The following DYNC2H1 variants were observed in gnomAD, a reference collection of about 807,000 sequenced individuals.
DYNC2H1 encodes the protein cytoplasmic dynein 2 heavy chain 1.
DYNC2H1 carries 410 observed loss-of-function variants against 570.0 expected under a neutral mutation model. That is an observed-to-expected ratio of 0.72 (90% CI 0.66 to 0.78). The LOEUF (loss-of-function observed/expected upper bound fraction) is 0.78, where lower values mean the gene tolerates loss of function less well. DYNC2H1 is among the 30% of genes least tolerant of loss of function. The probability of loss-of-function intolerance (pLI) is 0.00; values close to 1 mark genes in which losing one functional copy is unlikely to be tolerated. For synonymous variants in DYNC2H1, 1,688 were observed against 1,677.6 expected (o/e 1.01, Z -0.15); for missense variants, 4,865 against 5,046.4 (o/e 0.96, Z 1.09).
rs1565456497 is a variant in DYNC2H1 at position 103,277,803 on chromosome 11, C to T, written c.10696-2545C>T. On this transcript the variant is annotated intron_variant, in intron 70 of 88. Transcript: ENST00000375735. The surrounding 1 kb of genome is among the most constrained non-coding windows in gnomAD (Gnocchi z 4.3). Reference sequence around the variant, plus strand: ...AAAATTTATGCCTTAAGTCTGTGCTCGGCACAAGTATGATGTTTAATTTTT... The same window carrying T: ...AAAATTTATGCCTTAAGTCTGTGCTTGGCACAAGTATGATGTTTAATTTTT... Among the ~76,000 whole-genome samples the T allele has an allele frequency of 6.6e-6, 1 of 152,266 alleles. No homozygotes were observed. Among genetic ancestry groups the T allele is most frequent in the Middle Eastern group, 3.4e-3 (1 of 294 alleles).
At chr11:103,184,380 C>T (rs557408793) in intron 40 of DYNC2H1, among the ~76,000 whole-genome samples, 9 of 152,018 alleles carry the variant, frequency 5.9e-5, no homozygotes, top group Admixed American at 1.3e-4. Context: ...CTCTCTGGCA[C>T]TTACCAGGGA....
At position 103,135,776 on chromosome 11, in the gene DYNC2H1, G is replaced by C; in HGVS notation, c.2402G>C (p.Arg801Thr). The C allele has an allele frequency of 6.2e-7, 1 of 1,612,704 alleles. No homozygotes were observed. The highest frequency in any genetic ancestry group is 1.7e-5 in the Admixed American group (1 of 59,864). Residue 801 changes from arginine to threonine, a missense_variant, in exon 17 of 89, where the codon AGA becomes ACA. This residue lies in a region of DYNC2H1 where 1,936 missense variants were observed against 1,962.1 expected (regional missense o/e 0.99). Transcript: ENST00000375735. ...PFEEIRAKYYREMKRFIGIPN... is the reference protein window; with the variant it reads ...PFEEIRAKYYTEMKRFIGIPN... ...GAAGAAATCCGGGCTAAATATTATA[G>C]AGAAATGAAGAGATTCATCGGCATT...
Position 103,117,832 on chromosome 11 carries a change from CA to C in DYNC2H1, c.969del (p.Asp325ThrfsTer44). 6.2e-7 allele frequency: 1 copy of C among 1,612,478 alleles called. No individual in the cohort carries two copies. Among genetic ancestry groups the C allele is most frequent in the Non-Finnish European group, 8.5e-7 (1 of 1,178,990 alleles). ...PWKNEKYFPE[T>X]LDKLGKRLEE... Reference sequence around the variant, plus strand: ...AAAAATGAAAAATATTTTCCAGAAACACTTGACAAACTTGGCAAACGCCTTG... The same window carrying C: ...AAAAATGAAAAATATTTTCCAGAAACCTTGACAAACTTGGCAAACGCCTTG... On this transcript the variant is annotated frameshift_variant, in exon 6 of 89. Transcript: ENST00000375735. LOFTEE classifies it high-confidence loss of function.
intron 65 of DYNC2H1, among the ~76,000 whole-genome samples, chr11:103,251,424 C>T (rs948481507): frequency 6.6e-6 from 1 of 151,910 alleles, no homozygotes; most frequent in African/African-American, 2.4e-5. Context: ...TTTTATTGTG[C>T]ATATTTAAGA....
chr11:103,118,436 C>T (rs1396809117), intron 6 of DYNC2H1, among the ~76,000 whole-genome samples: 5 of 151,638 alleles, frequency 3.3e-5, no homozygotes, highest in Admixed American at 1.3e-4. Flanking sequence ...TGAATGTCCA[C>T]GTATCCACCA....
chr11:103,357,238 A>G (rs1262094195), intron 82 of DYNC2H1, among the ~76,000 whole-genome samples: 2 of 152,164 alleles, frequency 1.3e-5, no homozygotes, highest in Admixed American at 6.5e-5. Flanking sequence ...TATTTTAGAA[A>G]AAAAAGTGAG....
intron 54 of DYNC2H1, among the ~76,000 whole-genome samples, chr11:103,212,666 A>G (rs1863203437): frequency 6.6e-6 from 1 of 152,092 alleles, no homozygotes; most frequent in African/African-American, 2.4e-5. Context: ...CAGCCTCTGA[A>G]GTTGTTAGAG....
chr11:103,128,155 T>A (rs927742870), intron 12 of DYNC2H1, among the ~76,000 whole-genome samples: 11 of 152,244 alleles, frequency 7.2e-5, no homozygotes, highest in Admixed American at 7.2e-4. Context: ...CATTCTTTAG[T>A]ATATTGGGAG....
chr11:103,169,398 G>T (rs981353141), intron 32 of DYNC2H1, among the ~76,000 whole-genome samples: 5 of 152,098 alleles, frequency 3.3e-5, no homozygotes, highest in African/African-American at 1.2e-4. Flanking sequence ...AAATAACCTA[G>T]TTAATGTAAA....
chr11:103,402,030 G>A (rs1444971111), intron 84 of DYNC2H1: 1 of 152,114 alleles, frequency 6.6e-6, no homozygotes, highest in Non-Finnish European at 1.5e-5. Flanking sequence ...CAGAGATAAT[G>A]AAGGAGGTTT....
At chr11:103,345,306 G>T (rs956029380) in intron 82 of DYNC2H1, among the ~76,000 whole-genome samples, 2 of 151,792 alleles carry the variant, frequency 1.3e-5, no homozygotes, top group African/African-American at 4.8e-5. Context: ...TATTGAAACA[G>T]TGCCACTAGG....
chr11:103,422,321 C>T (rs961138181), intron 84 of DYNC2H1, among the ~76,000 whole-genome samples: 19 of 152,086 alleles, frequency 1.2e-4, no homozygotes, highest in African/African-American at 4.3e-4. Flanking sequence ...AAAGGAAAGA[C>T]TCTTCCCTAA....
chr11:103,328,880 A>G (rs1938629018), intron 82 of DYNC2H1, among the ~76,000 whole-genome samples: 1 of 152,194 alleles, frequency 6.6e-6, no homozygotes, highest in South Asian at 2.1e-4. Context: ...TGTGAAAGTC[A>G]AAAGCAAGAG....
chr11:103,222,464 A>G (rs1164368442), intron 58 of DYNC2H1, among the ~76,000 whole-genome samples: 1 of 152,162 alleles, frequency 6.6e-6, no homozygotes, highest in Non-Finnish European at 1.5e-5. Flanking sequence ...CTTGTCAGAT[A>G]ACAACAGGTA....
In DYNC2H1 at chr11:103,209,789, C is replaced by T; in HGVS notation, c.8455-87C>T. ...ATGAATCCTAGAAGAAAAGTACAAT[C>T]AATACTGACTTTTTTTGTATTAAAG... On this transcript the variant is annotated intron_variant, in intron 52 of 88. Transcript: ENST00000375735. The surrounding 1 kb of genome is among the most constrained non-coding windows in gnomAD (Gnocchi z 4.2). 2.9e-6 allele frequency: 3 copies of T among 1,017,444 alleles called. No homozygotes were observed. Among genetic ancestry groups the T allele is most frequent in the Non-Finnish European group, 3.9e-6 (3 of 766,688 alleles). The allele number at this position is 1,017,444 out of a possible 1,614,324, so 63.0% of individuals were successfully genotyped here.
In DYNC2H1 at chr11:103,442,969, C is replaced by CTTTT. The variant is rs5794237; in HGVS notation, c.12456+6947_12456+6950dup. Among the ~76,000 whole-genome samples the CTTTT allele has an allele frequency of 5.4e-3, 771 of 143,096 alleles. 7 individuals carry two copies. The highest frequency in any genetic ancestry group is 0.016 in the African/African-American group (642 of 39,210). The allele number at this position is 143,096 out of a possible 152,430, so 93.9% of individuals were successfully genotyped here. ...CAATGCTTCCCTTGATTTATGAGCCCTTTTTTTTTTTTTGCCATTTAAAGG... is the reference window on the plus strand; with the variant it reads ...CAATGCTTCCCTTGATTTATGAGCCCTTTTTTTTTTTTTTTTTGCCATTTAAAGG... On this transcript the variant is annotated intron_variant, in intron 85 of 88. Transcript: ENST00000375735.
chr11:103,145,164 A>G lies in DYNC2H1; in HGVS notation c.2702+1769A>G, dbSNP rs1860177084. On this transcript the variant is annotated intron_variant, in intron 18 of 88. Transcript: ENST00000375735. The surrounding 1 kb of genome is among the most constrained non-coding windows in gnomAD (Gnocchi z 4.2). ...CCAGAGTGCTGGGATTACAGGCATG[A>G]ACCACCATGCCCGGCCATAATAATT... Among the ~76,000 whole-genome samples, 1 of 152,168 alleles carries G rather than the reference A, an allele frequency of 6.6e-6. No homozygotes were observed. The highest frequency in any genetic ancestry group is 2.4e-5 in the African/African-American group (1 of 41,450).
intron 83 of DYNC2H1, among the ~76,000 whole-genome samples, chr11:103,396,721 T>C (rs141896824): frequency 2.7e-3 from 415 of 152,332 alleles, no homozygotes; most frequent in Non-Finnish European, 4.7e-3. Context: ...CTAAATGAGT[T>C]TTCTTGCTTA....
Position 103,216,658 on chromosome 11 carries a change from G to A in DYNC2H1, c.8832+800G>A, listed in dbSNP as rs1464243661. ...AAAGTAAAAATTAGTTGAGTGTGGT[G>A]GCACGTGCCTATAGTCCCAGCTACT... On this transcript the variant is annotated intron_variant, in intron 55 of 88. Coordinates refer to ENST00000375735, the MANE Select transcript of DYNC2H1 (RefSeq NM_001377.3). Among the ~76,000 whole-genome samples the A allele has an allele frequency of 2.6e-5, 4 of 152,026 alleles. No individual in the cohort carries two copies. In the East Asian group the frequency reaches 5.8e-4, roughly 22 times the overall value.
Sources: gnomAD v4.1 joint callset for allele counts (sites outside exome capture counted in the v4.1 genomes callset) on GRCh38, gnomAD v4.1.1 for gene constraint, gnomAD v4.1.1 regional missense constraint, Gnocchi (gnomAD v3.1) non-coding constraint, MANE v1.5 for transcripts, NCBI Gene and HGNC (gene_info 2026-07-23, HGNC 2026-07-21) for gene names.